CTNNA3: variants seen among roughly 807,000 people sequenced by gnomAD.
CTNNA3 encodes the protein catenin alpha-3.
Under a neutral mutation model 95.7 loss-of-function variants are expected in CTNNA3, and 76 were observed. That is an observed-to-expected ratio of 0.79 (90% CI 0.66 to 0.96). The LOEUF (loss-of-function observed/expected upper bound fraction) is 0.96, where lower values mean the gene tolerates loss of function less well. CTNNA3 is among the 40% of genes least tolerant of loss of function. The pLI, the probability that CTNNA3 is intolerant of heterozygous loss-of-function variation, is 0.00. For missense variants in CTNNA3, 1,191 were observed against 1,089.8 expected (o/e 1.09, Z -1.31); for synonymous variants, 431 against 374.4 (o/e 1.15, Z -1.74).
intron 14 of CTNNA3, among the ~76,000 whole-genome samples, chr10:66,088,572 T>C (rs569001479): frequency 1.3e-5 from 2 of 151,326 alleles, no homozygotes; most frequent in African/African-American, 2.4e-5. Context: ...TCTCCAAATG[T>C]ATCTGGGCAA....
At chr10:67,727,086 T>TAC (rs1841237190) in intron 1 of CTNNA3, among the ~76,000 whole-genome samples, 3 of 119,712 alleles carry the variant, frequency 2.5e-5, no homozygotes, top group South Asian at 2.3e-4. Context: ...ACATATATGA[T>TAC]ATAATTATAT....
chr10:66,589,809 T>A (rs748219865), intron 10 of CTNNA3, among the ~76,000 whole-genome samples: 2 of 152,082 alleles, frequency 1.3e-5, no homozygotes, highest in Non-Finnish European at 2.9e-5. Context: ...ACAGTGTTAA[T>A]CAGATAAAAG....
intron 5 of CTNNA3, among the ~76,000 whole-genome samples, chr10:67,287,109 G>A (rs1355608288): frequency 2.0e-5 from 3 of 152,134 alleles, no homozygotes; most frequent in South Asian, 2.1e-4. Flanking sequence ...GGAGGCGGAG[G>A]CAGGTGGATC....
At chr10:66,106,596 A>C (rs1677504323) in intron 13 of CTNNA3, among the ~76,000 whole-genome samples, 1 of 152,120 alleles carries the variant, frequency 6.6e-6, no homozygotes, top group African/African-American at 2.4e-5. Context: ...AGGCTCAGTT[A>C]CACTAAGATG....
chr10:67,657,076 G>C (rs765962239), intron 1 of CTNNA3, among the ~76,000 whole-genome samples: 1 of 152,184 alleles, frequency 6.6e-6, no homozygotes, highest in South Asian at 2.1e-4. Flanking sequence ...ACAGGGTTCA[G>C]ATTGTAGATA....
At chr10:66,603,804 A>C (rs778833277) in intron 10 of CTNNA3, among the ~76,000 whole-genome samples, 2 of 152,210 alleles carry the variant, frequency 1.3e-5, no homozygotes, top group Non-Finnish European at 2.9e-5. Context: ...ATTTTTGACA[A>C]GAGTGCCAAA....
At chr10:66,498,598 A>T (rs73311462) in intron 11 of CTNNA3, among the ~76,000 whole-genome samples, 4,773 of 152,276 alleles carry the variant, frequency 0.031, 240 homozygotes, top group African/African-American at 0.11. Context: ...TGAATTACAA[A>T]ATGAAATTTA....
At chr10:66,072,448 G>A (rs922622195) in intron 14 of CTNNA3, among the ~76,000 whole-genome samples, 1 of 151,804 alleles carries the variant, frequency 6.6e-6, no homozygotes, top group Non-Finnish European at 1.5e-5. Context: ...TCTTGTTTTT[G>A]TTTTGTTTTG....
intron 15 of CTNNA3, among the ~76,000 whole-genome samples, chr10:66,007,642 G>A (rs1333945199): frequency 6.7e-6 from 1 of 148,978 alleles, no homozygotes; most frequent in Admixed American, 6.7e-5. Flanking sequence ...ATATTAGGTA[G>A]CTCCATCTGG....
At chr10:65,982,645 C>CAT (rs1050365886) in intron 16 of CTNNA3, among the ~76,000 whole-genome samples, 5 of 148,346 alleles carry the variant, frequency 3.4e-5, no homozygotes, top group Non-Finnish European at 1.5e-5. Context: ...GTTATATATA[C>CAT]ATATATATAT....
intron 13 of CTNNA3, among the ~76,000 whole-genome samples, chr10:66,263,888 G>A (rs976408762): frequency 1.3e-5 from 2 of 151,604 alleles, no homozygotes; most frequent in Admixed American, 6.6e-5. Context: ...GTTATATTGT[G>A]CACAATTTAA....
chr10:67,300,993 A>G (rs760144615), intron 5 of CTNNA3, among the ~76,000 whole-genome samples: 5 of 152,232 alleles, frequency 3.3e-5, no homozygotes, highest in Admixed American at 2.0e-4. Context: ...TTTAAGGTAT[A>G]CAACATGATG....
intron 13 of CTNNA3, among the ~76,000 whole-genome samples, chr10:66,157,160 C>T (rs894101891): frequency 6.6e-6 from 1 of 151,850 alleles, no homozygotes; most frequent in Admixed American, 6.6e-5. Context: ...GTATACGCTG[C>T]ACCTTATTTG....
chr10:67,418,191 G>GTAACATGACAATAAA (rs1469706954), intron 5 of CTNNA3, among the ~76,000 whole-genome samples: 6 of 152,082 alleles, frequency 3.9e-5, no homozygotes, highest in Non-Finnish European at 7.4e-5. Flanking sequence ...GTTATTAACA[G>GTAACATGACAATAAA]TAACATGACA....
intron 7 of CTNNA3, chr10:67,097,807 T>C: frequency 1.2e-6 from 2 of 1,611,512 alleles, no homozygotes; most frequent in Non-Finnish European, 1.7e-6. Flanking sequence ...CTGAGATCAT[T>C]GGTAGCCAGG....
rs114818862 is a variant in CTNNA3, at chr10:66,203,366, T to A, written c.1884+77104A>T. 6.1e-3 allele frequency among the ~76,000 whole-genome samples: 931 copies of A among 152,290 alleles called. 4 individuals carry two copies. Among genetic ancestry groups the A allele is most frequent in the African/African-American group, 0.021 (880 of 41,576 alleles). On this transcript the variant is annotated intron_variant, in intron 13 of 17. Coordinates refer to ENST00000433211, the MANE Select transcript of CTNNA3 (RefSeq NM_013266.4). ...TAAATAATACTTCAAAATGCGGCTA[T>A]GCTTCAAAGTATATTACAAAATATA...
chr10:67,149,018 T>C (rs1015461882), intron 7 of CTNNA3, among the ~76,000 whole-genome samples: 1 of 152,286 alleles, frequency 6.6e-6, no homozygotes, highest in Non-Finnish European at 1.5e-5. Flanking sequence ...AGCCCTCCAC[T>C]GTGACCATTG....
At chr10:66,917,521 T>C (rs922656009) in intron 7 of CTNNA3, among the ~76,000 whole-genome samples, 1 of 152,230 alleles carries the variant, frequency 6.6e-6, no homozygotes, top group Non-Finnish European at 1.5e-5. Context: ...AGAAGTTTAA[T>C]ATCTTTCAGA....
chr10:66,795,322 A>G (rs1841145336), intron 7 of CTNNA3, among the ~76,000 whole-genome samples: 1 of 152,196 alleles, frequency 6.6e-6, no homozygotes, highest in Non-Finnish European at 1.5e-5. Context: ...GTTACCAGGC[A>G]TGAAAACAAC....
Sources: gnomAD v4.1 joint callset for allele counts (sites outside exome capture counted in the v4.1 genomes callset) on GRCh38, gnomAD v4.1.1 for gene constraint, MANE v1.5 for transcripts, NCBI Gene and HGNC (gene_info 2026-07-23, HGNC 2026-07-21) for gene names.